Variants in IFT74 observed in about 807,000 individuals in gnomAD.
The protein encoded by IFT74 is intraflagellar transport 74, also known as intraflagellar transport protein 74 homolog.
In IFT74, 92 loss-of-function variants were observed where a neutral mutation model predicts 96.7. The ratio of observed to expected loss-of-function variants is 0.95; its 90% CI spans 0.80 to 1.13. The LOEUF is 1.13. Ranked by LOEUF, IFT74 falls within the 50% of genes most tolerant of loss-of-function variation. IFT74 has a pLI of 0.00. For synonymous variants in IFT74, 223 were observed against 213.2 expected (o/e 1.05, Z -0.40); for missense variants, 811 against 698.2 (o/e 1.16, Z -1.82).
intron 2 of IFT74, among the ~76,000 whole-genome samples, chr9:26,963,478 AT>A (rs1257552601): frequency 6.6e-6 from 1 of 150,600 alleles, no homozygotes; most frequent in African/African-American, 2.5e-5. Flanking sequence ...ATACCCAGTA[AT>A]GGGATGGCTG....
At chr9:26,971,934 T>G (rs920774815) in intron 2 of IFT74, among the ~76,000 whole-genome samples, 13 of 152,232 alleles carry the variant, frequency 8.5e-5, no homozygotes, top group African/African-American at 3.1e-4. Context: ...AGACCAATTA[T>G]TGGGCAATCT....
chr9:27,040,111 A>C (rs1819395647), intron 13 of IFT74, among the ~76,000 whole-genome samples: 1 of 152,218 alleles, frequency 6.6e-6, no homozygotes, highest in African/African-American at 2.4e-5. Flanking sequence ...TGCATAACAA[A>C]AAATGGTTAT....
At chr9:27,054,737 T>G (rs997076594) in intron 16 of IFT74, among the ~76,000 whole-genome samples, 4 of 152,188 alleles carry the variant, frequency 2.6e-5, no homozygotes, top group Non-Finnish European at 5.9e-5. Context: ...CCAACAGAAG[T>G]TGAAAAAGGC....
At chr9:27,029,183 A>C (rs1830009583) in intron 13 of IFT74, 79 bp downstream of exon 13, 1 of 1,012,146 alleles carries the variant, frequency 9.9e-7, no homozygotes. Context: ...TGTCTCAGAG[A>C]CTGTTCAACT....
chr9:27,048,253 A>G lies in IFT74; in HGVS notation c.1312A>G (p.Thr438Ala). ...KSTEVQKSQSTAQNLTSDIQR... is the reference protein window; with the variant it reads ...KSTEVQKSQSAAQNLTSDIQR... The stretch of plus-strand genomic sequence containing the variant: ...TACTGAAGTGCAGAAATCACAAAGT[A>G]CAGCTCAGAATTTGACTTCAGGTGA... The change falls in exon 16 of 20, where the codon ACA becomes GCA. Residue 438 changes from threonine to alanine, a missense_variant. Coordinates refer to ENST00000380062, the MANE Select transcript of IFT74 (RefSeq NM_025103.4). 6.2e-7 allele frequency: 1 copy of G among 1,600,458 alleles called. No homozygotes were observed. The highest frequency in any genetic ancestry group is 2.2e-5 in the East Asian group (1 of 44,554).
chr9:26,955,230 CA>C (rs1587221745), upstream of IFT74, among the ~76,000 whole-genome samples: 1 of 152,152 alleles, frequency 6.6e-6, no homozygotes, highest in East Asian at 1.9e-4. Context: ...GTTCTCCTCC[CA>C]ATAAAGCCTC....
At chr9:26,995,781 G>T (rs199823832) in intron 8 of IFT74, 226 of 1,613,686 alleles carry the variant, frequency 1.4e-4, no homozygotes, top group Middle Eastern at 1.6e-4. Context: ...AAAATGAGAA[G>T]TGAAGTCGTC....
intron 4 of IFT74, chr9:26,983,799 T>TTTTC (rs1563949986): frequency 6.1e-5 from 9 of 148,460 alleles, no homozygotes; most frequent in African/African-American, 1.3e-4. Flanking sequence ...TTTTTTTTTT[T>TTTTC]CTGAGATGGT....
chr9:27,052,144 A>C (rs1819947089), intron 16 of IFT74, among the ~76,000 whole-genome samples: 1 of 152,218 alleles, frequency 6.6e-6, no homozygotes, highest in Admixed American at 6.5e-5. Flanking sequence ...AATACCAGGA[A>C]ACAAATTCAA....
At chr9:27,010,215 G>A (rs555934095) in intron 9 of IFT74, among the ~76,000 whole-genome samples, 1 of 151,616 alleles carries the variant, frequency 6.6e-6, no homozygotes, top group Non-Finnish European at 1.5e-5. Flanking sequence ...GGTCTTGATC[G>A]CCTGACCTCG....
intron 1 of IFT74, among the ~76,000 whole-genome samples, chr9:26,960,209 T>C (rs567623122): frequency 1.1e-4 from 17 of 152,174 alleles, no homozygotes; most frequent in Non-Finnish European, 2.2e-4. Flanking sequence ...TTTTCTTTGC[T>C]TTCTGGGCCT....
chr9:27,007,715 C>T (rs1197612561), intron 8 of IFT74, among the ~76,000 whole-genome samples: 3 of 152,086 alleles, frequency 2.0e-5, no homozygotes, highest in Admixed American at 2.0e-4. Flanking sequence ...TATGTGGATC[C>T]ACAAGCTTAG....
At position 26,961,065 on chromosome 9, in the gene IFT74, T is replaced by A. The variant is rs1201380201; in HGVS notation, c.-19-884T>A. Among the ~76,000 whole-genome samples the A allele has an allele frequency of 2.0e-5, 3 of 148,048 alleles. No homozygotes were observed. The East Asian group carries it at 5.9e-4, about 29-fold the overall frequency. ...GCAATATTGTTGCATTCCCAGATCCTCAGAAGAAGTGAATCTTGTTTTTTT... is the reference window on the plus strand; with the variant it reads ...GCAATATTGTTGCATTCCCAGATCCACAGAAGAAGTGAATCTTGTTTTTTT... On this transcript the variant is annotated intron_variant, in intron 1 of 19. Coordinates refer to ENST00000380062, the MANE Select transcript of IFT74 (RefSeq NM_025103.4).
intron 2 of IFT74, among the ~76,000 whole-genome samples, chr9:26,974,700 G>C (rs1232788690): frequency 6.6e-6 from 1 of 152,122 alleles, no homozygotes; most frequent in Non-Finnish European, 1.5e-5. Flanking sequence ...CTACGGTTAT[G>C]CTTTTTTTCT....
intron 2 of IFT74, among the ~76,000 whole-genome samples, chr9:26,974,191 G>A (rs1826997571): frequency 6.6e-6 from 1 of 152,122 alleles, no homozygotes; most frequent in African/African-American, 2.4e-5. Flanking sequence ...TATGGGTTTG[G>A]AGCCACCTGT....
chr9:26,972,856 C>G, intron 2 of IFT74, among the ~76,000 whole-genome samples: 1 of 152,112 alleles, frequency 6.6e-6, no homozygotes, highest in Non-Finnish European at 1.5e-5. Flanking sequence ...GACCCATAAC[C>G]CCTCAAACTG....
chr9:27,028,473 C>T (rs1443236373), intron 12 of IFT74, among the ~76,000 whole-genome samples: 1 of 152,124 alleles, frequency 6.6e-6, no homozygotes, highest in East Asian at 1.9e-4. Context: ...TAAAAAAGAT[C>T]TATGCTTGGC....
At chr9:26,984,130 A>G (rs1827522289) in intron 4 of IFT74, 127 bp from the exon 5 acceptor site, 1 of 744,794 alleles carries the variant, frequency 1.3e-6, no homozygotes, top group Non-Finnish European at 2.0e-6. Flanking sequence ...AACTTTCTGC[A>G]TTCTTTTAGT....
chr9:27,048,293 T>G lies in IFT74; in HGVS notation c.1333+19T>G. 1 of 1,529,996 alleles carries G rather than the reference T, an allele frequency of 6.5e-7. No homozygotes were observed. 94.8% of individuals were successfully genotyped at this position (1,529,996 alleles called of 1,614,324 possible). A position where few individuals can be genotyped will look rare whatever the true frequency, so the allele number is the denominator to read the frequency against. ...ACTTCAGGTGAGAAAACAACCTAGA[T>G]TTTAATATTCTTTTTTTTTAAAATA... On this transcript the variant is annotated intron_variant, in intron 16 of 19. Transcript: ENST00000380062.
Sources: gnomAD v4.1 joint callset for allele counts (sites outside exome capture counted in the v4.1 genomes callset) on GRCh38, gnomAD v4.1.1 for gene constraint, MANE v1.5 for transcripts, NCBI Gene and HGNC (gene_info 2026-07-23, HGNC 2026-07-21) for gene names.